ZNF724: variants seen among roughly 807,000 people sequenced by gnomAD.
ZNF724 encodes zinc finger protein 724 pseudogene.
In ZNF724, 14 loss-of-function variants were observed where a neutral mutation model predicts 29.3. The observed-to-expected ratio is 0.48, with a 90% CI of 0.32 to 0.75. The LOEUF is 0.75. Among genes scored for constraint, ZNF724 ranks in the 30% least tolerant of loss-of-function variants. The probability of loss-of-function intolerance (pLI) is 0.04; values close to 1 mark genes in which losing one functional copy is unlikely to be tolerated. For missense variants in ZNF724, 557 were observed against 571.2 expected, an observed-to-expected ratio of 0.98 and a Z score of 0.25; for synonymous variants, 180 against 193.6, an observed-to-expected ratio of 0.93 and a Z score of 0.58.
intron 1 of ZNF724, among the ~76,000 whole-genome samples, chr19:23,243,506 A>G: frequency 6.8e-6 from 1 of 146,442 alleles, no homozygotes; most frequent in East Asian, 2.0e-4. Flanking sequence ...AAAAAAGGTA[A>G]ACTGATGCAG....
At position 23,237,374 on chromosome 19, in the gene ZNF724, T is replaced by G. The variant is rs976386447; in HGVS notation, c.4-5081A>C. Among the ~76,000 whole-genome samples the G allele has an allele frequency of 1.1e-4, 16 of 152,216 alleles. No homozygotes were observed. In the East Asian group the frequency reaches 2.9e-3, roughly 28 times the overall value. The stretch of plus-strand genomic sequence containing the variant: ...TCTATTGGGTAAATTAATATGCATG[T>G]CAGGCTAATATCTACTGTAACAATT... On this transcript the variant is annotated intron_variant, in intron 1 of 3. Coordinates refer to ENST00000418100, the MANE Select transcript of ZNF724 (RefSeq NM_001355404.2).
intron 1 of ZNF724, among the ~76,000 whole-genome samples, chr19:23,234,743 C>T (rs558549576): frequency 2.6e-5 from 4 of 152,290 alleles, no homozygotes; most frequent in South Asian, 2.1e-4. Context: ...TAAGCCACCA[C>T]GCCCAGCTGC....
At chr19:23,244,518 A>G (rs1452595366) in intron 1 of ZNF724, among the ~76,000 whole-genome samples, 2 of 152,202 alleles carry the variant, frequency 1.3e-5, no homozygotes, top group African/African-American at 4.8e-5. Context: ...ATCAGAAAAC[A>G]ATGGGCAGTG....
In ZNF724 at chr19:23,222,179, A is replaced by T; in HGVS notation, c.*206T>A. On this transcript the variant is annotated 3_prime_UTR_variant, in exon 4 of 4. Coordinates refer to ENST00000418100, the MANE Select transcript of ZNF724 (RefSeq NM_001355404.2). ...CCTCTACTATATTTTACCTACAATC[A>T]AGTATGACAACCATTTAAAGGTGTT... 2.1e-6 allele frequency: 1 copy of T among 468,416 alleles called. No homozygotes were observed. The highest frequency in any genetic ancestry group is 3.8e-6 in the Non-Finnish European group (1 of 265,318). The allele number at this position is 468,416 out of a possible 1,614,324, so 29.0% of individuals were successfully genotyped here. A position where few individuals can be genotyped will look rare whatever the true frequency, so the allele number is the denominator to read the frequency against.
At chr19:23,239,797 C>G (rs770364438) in intron 1 of ZNF724, among the ~76,000 whole-genome samples, 2 of 151,886 alleles carry the variant, frequency 1.3e-5, no homozygotes, top group Non-Finnish European at 2.9e-5. Flanking sequence ...GGCAACGCAG[C>G]GAGACTGTTT....
rs1489337223 is a variant in ZNF724, at chr19:23,246,998, G to T, written c.3+3242C>A. Among the ~76,000 whole-genome samples the T allele has an allele frequency of 2.0e-5, 3 of 151,982 alleles. No homozygotes were observed. In the South Asian group the frequency reaches 6.2e-4, roughly 31 times the overall value. The stretch of plus-strand genomic sequence containing the variant: ...AGCACTTTGGGAGGCCGAGGTGGGC[G>T]GATCACCTGAGGTCAGGAGTTCAAG... On this transcript the variant is annotated intron_variant, in intron 1 of 3. Coordinates refer to ENST00000418100, the MANE Select transcript of ZNF724 (RefSeq NM_001355404.2).
At position 23,223,759 on chromosome 19, in the gene ZNF724, T is replaced by A. The variant is rs772582819; in HGVS notation, c.486A>T (p.Arg162Ser). ...KDFHKFSNSN[R>S]HKTEKNPFKC... is the part of the protein sequence containing the mutation. ...TGAAAGGATTCTTTTCAGTCTTATGTCTATTTGAATTTGAAAATTTATGAA... is the reference window on the plus strand; with the variant it reads ...TGAAAGGATTCTTTTCAGTCTTATGACTATTTGAATTTGAAAATTTATGAA... The change falls in exon 4 of 4, where the codon AGA becomes AGT. Residue 162 changes from arginine to serine, a missense_variant. Physicochemically the swap from Arg to Ser is moderately radical, Grantham distance 110. Transcript: ENST00000418100. The A allele has an allele frequency of 1.2e-5, 9 of 752,058 alleles. No homozygotes were observed. The highest frequency in any genetic ancestry group is 1.7e-5 in the Non-Finnish European group (7 of 404,756). 46.6% of individuals were successfully genotyped at this position (752,058 alleles called of 1,614,324 possible).
In ZNF724 at chr19:23,222,639, A is replaced by C. The variant is rs1194109079; in HGVS notation, c.1606T>G (p.Cys536Gly). 1.5e-6 allele frequency: 2 copies of C among 1,363,280 alleles called. No individual in the cohort carries two copies. Among genetic ancestry groups the C allele is most frequent in the South Asian group, 2.4e-5 (2 of 85,044 alleles). 84.4% of individuals were successfully genotyped at this position (1,363,280 alleles called of 1,614,324 possible). ...TAAAAAGCTTTGCCACATTCTTCAC[A>C]TTTGTAGGGTTTCTCTCCAGCATGA... ...IIHAGEKPYK[C>G]EECGKAFYQY... is the part of the protein sequence containing the mutation. Residue 536 changes from cysteine to glycine, a missense_variant, in exon 4 of 4, where the codon TGT (cysteine) becomes GGT (glycine). Physicochemically the swap from Cys to Gly is radical, Grantham distance 159 (BLOSUM62 -3). Around this residue, in one of 3 missense-constraint regions of ZNF724, gnomAD observed 170 missense variants for 220.7 expected, o/e 0.77. Transcript: ENST00000418100.
chr19:23,225,264 G>T (rs147829636), intron 3 of ZNF724, among the ~76,000 whole-genome samples: 5 of 151,982 alleles, frequency 3.3e-5, no homozygotes, highest in Non-Finnish European at 5.9e-5. Context: ...ATTCATAAAC[G>T]TATCAAAAAA....
At chr19:23,234,313 G>A (rs1971987577) in intron 1 of ZNF724, among the ~76,000 whole-genome samples, 2 of 152,186 alleles carry the variant, frequency 1.3e-5, no homozygotes, top group South Asian at 4.1e-4. Context: ...CAAGTAAAGG[G>A]ATTTCTAATA....
chr19:23,223,776 A>G lies in ZNF724; in HGVS notation c.469T>C (p.Phe157Leu). 1 of 766,354 alleles carries G rather than the reference A, an allele frequency of 1.3e-6. No individual in the cohort carries two copies. Among genetic ancestry groups the G allele is most frequent in the East Asian group, 2.5e-5 (1 of 40,466 alleles). 47.5% of individuals were successfully genotyped at this position (766,354 alleles called of 1,614,324 possible). A position where few individuals can be genotyped will look rare whatever the true frequency, so the allele number is the denominator to read the frequency against. The change falls in exon 4 of 4, where the codon TTT becomes CTT. Residue 157 changes from phenylalanine (F) to leucine (L), a missense_variant. Physicochemically the swap from Phe to Leu is conservative, Grantham distance 22 (BLOSUM62 0). Transcript: ENST00000418100. ...CDKYVKDFHKFSNSNRHKTEK... is the reference protein window; with the variant it reads ...CDKYVKDFHKLSNSNRHKTEK... ...GTCTTATGTCTATTTGAATTTGAAA[A>G]TTTATGAAAGTCTTTCACATATTTA...
intron 1 of ZNF724, among the ~76,000 whole-genome samples, chr19:23,248,438 G>A (rs948461714): frequency 2.0e-5 from 3 of 152,080 alleles, no homozygotes; most frequent in Admixed American, 6.6e-5. Flanking sequence ...ATACACGGGA[G>A]ACCCTGCTTG....
At chr19:23,241,031 TCAACAACAA>T (rs759872431) in intron 1 of ZNF724, among the ~76,000 whole-genome samples, 2 of 151,358 alleles carry the variant, frequency 1.3e-5, no homozygotes, top group East Asian at 1.9e-4. Context: ...AGACTCCATC[TCAACAACAA>T]CAACAACAAC....
chr19:23,224,123 A>G, intron 3 of ZNF724, 105 bp from the exon 4 acceptor site: 3 of 539,982 alleles, frequency 5.6e-6, no homozygotes, highest in South Asian at 5.9e-5. Context: ...ACAAGATTGC[A>G]TAAGAAGGCC....
At chr19:23,242,966 A>G (rs1305547576) in intron 1 of ZNF724, among the ~76,000 whole-genome samples, 1 of 148,326 alleles carries the variant, frequency 6.7e-6, no homozygotes, top group Admixed American at 6.8e-5. Flanking sequence ...TTGAACTCGG[A>G]AGGCGGAAGT....
chr19:23,238,290 G>A (rs1017181443), intron 1 of ZNF724, among the ~76,000 whole-genome samples: 4 of 151,950 alleles, frequency 2.6e-5, no homozygotes, highest in African/African-American at 7.3e-5. Flanking sequence ...GCGTGAACCC[G>A]GGAGGCAGAG....
rs962694387 is a variant in ZNF724, at chr19:23,233,846, T to C, written c.4-1553A>G. Among the ~76,000 whole-genome samples the C allele has an allele frequency of 1.1e-4, 16 of 151,606 alleles. No individual in the cohort carries two copies. The East Asian group carries it at 1.9e-3, about 18-fold the overall frequency. Reference sequence around the variant, plus strand: ...TCCTCTATCTCCTCCTTCTCTTGGATTTATTTTCAGATGAGATTTTCTGGA... The same window carrying C: ...TCCTCTATCTCCTCCTTCTCTTGGACTTATTTTCAGATGAGATTTTCTGGA... On this transcript the variant is annotated intron_variant, in intron 1 of 3. Transcript: ENST00000418100.
chr19:23,247,501 A>C (rs1482645122), intron 1 of ZNF724, among the ~76,000 whole-genome samples: 1 of 152,208 alleles, frequency 6.6e-6, no homozygotes, highest in Non-Finnish European at 1.5e-5. Context: ...TCATTCGTCA[A>C]GTCAGGCCAT....
intron 3 of ZNF724, among the ~76,000 whole-genome samples, chr19:23,229,235 C>T (rs2145776764): frequency 6.6e-6 from 1 of 152,206 alleles, no homozygotes; most frequent in Non-Finnish European, 1.5e-5. Flanking sequence ...AAATAGCCTA[C>T]CCAACTTGGT....
Sources: gnomAD v4.1 joint callset for allele counts (sites outside exome capture counted in the v4.1 genomes callset) on GRCh38, gnomAD v4.1.1 for gene constraint, gnomAD v4.1.1 regional missense constraint, MANE v1.5 for transcripts, NCBI Gene and HGNC (gene_info 2026-07-23, HGNC 2026-07-21) for gene names.